The following RORA variants were observed in gnomAD, a reference collection of about 807,000 sequenced individuals.
RORA encodes the protein nuclear receptor ROR-alpha.
RORA carries 7 observed loss-of-function variants against 69.5 expected under a neutral mutation model. The observed-to-expected ratio is 0.10, with a 90% confidence interval of 0.06 to 0.19. The LOEUF (loss-of-function observed/expected upper bound fraction) is 0.19, where lower values mean the gene tolerates loss of function less well. Ranked by LOEUF, RORA falls within the 10% of genes least tolerant of loss-of-function variation. The pLI is 1.00. For missense variants in RORA, 457 were observed against 663.0 expected (o/e 0.69, Z 3.41); for synonymous variants, 261 against 240.8 (o/e 1.08, Z -0.78).
At chr15:60,821,273 C>T (rs1326123486) in intron 1 of RORA, among the ~76,000 whole-genome samples, 1 of 152,130 alleles carries the variant, frequency 6.6e-6, no homozygotes, top group East Asian at 1.9e-4. Context: ...TTCCGTCTCC[C>T]TGCTGTGTGC....
chr15:60,493,348 A>G lies in RORA; in HGVS notation c.*4107T>C, dbSNP rs1056348166. On this transcript the variant is annotated 3_prime_UTR_variant, in exon 11 of 11. Transcript: ENST00000335670. ...ACCCCAAAAAACTGTACAAATATGT[A>G]TTTTTCCCTGAGGGATCAAGGTACA... 6.6e-6 allele frequency: 1 copy of G among 152,136 alleles called. No homozygotes were observed. Among genetic ancestry groups the G allele is most frequent in the African/African-American group, 2.4e-5 (1 of 41,440 alleles). 9.4% of individuals were successfully genotyped at this position (152,136 alleles called of 1,614,324 possible). A position where few individuals can be genotyped will look rare whatever the true frequency, so the allele number is the denominator to read the frequency against.
At chr15:60,553,497 A>G (rs2067277750) in intron 2 of RORA, among the ~76,000 whole-genome samples, 1 of 152,236 alleles carries the variant, frequency 6.6e-6, no homozygotes, top group South Asian at 2.1e-4. Context: ...GAATGGGCTA[A>G]GAGTCAGATG....
At chr15:60,729,931 T>C (rs952865865) in intron 1 of RORA, among the ~76,000 whole-genome samples, 3 of 152,246 alleles carry the variant, frequency 2.0e-5, no homozygotes, top group African/African-American at 7.2e-5. Flanking sequence ...TTCCTTCTTT[T>C]CTGGTTCCAT....
chr15:60,542,608 A>G (rs1595942615), intron 2 of RORA, among the ~76,000 whole-genome samples: 1 of 131,802 alleles, frequency 7.6e-6, no homozygotes, highest in Non-Finnish European at 1.6e-5. Context: ...ACGCATGCAC[A>G]CCTCACACAC....
chr15:60,657,102 C>A (rs1024275209), intron 2 of RORA, among the ~76,000 whole-genome samples: 10 of 152,108 alleles, frequency 6.6e-5, no homozygotes, highest in African/African-American at 2.4e-4. Context: ...TATTAGAAAC[C>A]ACAAATCTCC....
intron 2 of RORA, among the ~76,000 whole-genome samples, chr15:60,602,739 C>T (rs965024310): frequency 1.3e-5 from 2 of 152,148 alleles, no homozygotes; most frequent in Non-Finnish European, 2.9e-5. Context: ...AGAAGAATTG[C>T]ACTTTGATTC....
At chr15:61,113,901 T>C (rs782927) in intron 1 of RORA, among the ~76,000 whole-genome samples, 9,585 of 152,268 alleles carry the variant, frequency 0.063, 325 homozygotes, top group Middle Eastern at 0.13. Context: ...GAGTTAACCA[T>C]GACAGCCACG....
chr15:60,697,860 C>T (rs2070927978), intron 1 of RORA, among the ~76,000 whole-genome samples: 1 of 152,182 alleles, frequency 6.6e-6, no homozygotes, highest in African/African-American at 2.4e-5. Context: ...TTCACGGCTC[C>T]TCTGGGAGAG....
chr15:60,985,987 G>A (rs1292162600), intron 1 of RORA, among the ~76,000 whole-genome samples: 5 of 152,188 alleles, frequency 3.3e-5, no homozygotes, highest in Admixed American at 2.6e-4. Context: ...CAACGGATCC[G>A]AATCAAGTTA....
At chr15:60,827,848 A>G (rs2072986876) in intron 1 of RORA, among the ~76,000 whole-genome samples, 1 of 152,236 alleles carries the variant, frequency 6.6e-6, no homozygotes, top group Non-Finnish European at 1.5e-5. Flanking sequence ...AGTCAGGACC[A>G]TTACAGCTGT....
chr15:60,579,850 A>G (rs1285770374), intron 2 of RORA, among the ~76,000 whole-genome samples: 2 of 152,104 alleles, frequency 1.3e-5, no homozygotes, highest in Non-Finnish European at 2.9e-5. Context: ...TTGCTTTCTA[A>G]CTTCTGTTTA....
chr15:60,620,568 A>G (rs1169937987), intron 2 of RORA, among the ~76,000 whole-genome samples: 3 of 152,206 alleles, frequency 2.0e-5, no homozygotes, highest in Non-Finnish European at 4.4e-5. Flanking sequence ...GAACTCAATT[A>G]CTGTCTGTTT....
chr15:60,514,580 C>T, intron 4 of RORA, 36 bp downstream of exon 4: 2 of 1,608,228 alleles, frequency 1.2e-6, no homozygotes, highest in Non-Finnish European at 1.7e-6. Flanking sequence ...TTTCACAACC[C>T]CGTGCAACTG....
intron 1 of RORA, among the ~76,000 whole-genome samples, chr15:60,986,354 G>T (rs1003412776): frequency 1.6e-4 from 25 of 152,164 alleles, no homozygotes; most frequent in Non-Finnish European, 2.5e-4. Flanking sequence ...AGCTGGTCTT[G>T]ATCTCCTGAT....
At chr15:60,572,214 G>A (rs1349741037) in intron 2 of RORA, among the ~76,000 whole-genome samples, 1 of 152,222 alleles carries the variant, frequency 6.6e-6, no homozygotes, top group Admixed American at 6.5e-5. Context: ...TGGCTTTAAT[G>A]TGGATTCATC....
At chr15:61,179,985 C>A (rs57823040) in intron 1 of RORA, among the ~76,000 whole-genome samples, 10 of 143,204 alleles carry the variant, frequency 7.0e-5, no homozygotes, top group African/African-American at 7.7e-5. Context: ...AAAAAAAAAA[C>A]AAAAAAAAAA....
At chr15:60,945,523 T>C (rs1892844704) in intron 1 of RORA, among the ~76,000 whole-genome samples, 1 of 152,116 alleles carries the variant, frequency 6.6e-6, no homozygotes, top group Non-Finnish European at 1.5e-5. Context: ...ACAGTGCTTG[T>C]TAGAAAAAAT....
At chr15:60,740,233 G>A (rs1257812940) in intron 1 of RORA, among the ~76,000 whole-genome samples, 3 of 151,930 alleles carry the variant, frequency 2.0e-5, no homozygotes, top group Non-Finnish European at 2.9e-5. Flanking sequence ...CCCCAACAAC[G>A]TGTGGGCTAC....
intron 1 of RORA, among the ~76,000 whole-genome samples, chr15:61,011,481 G>C (rs919257537): frequency 4.6e-5 from 7 of 152,078 alleles, no homozygotes; most frequent in African/African-American, 1.7e-4. Context: ...TGTGAGCATA[G>C]TTGGCTTGAA....
Sources: gnomAD v4.1 joint callset for allele counts (sites outside exome capture counted in the v4.1 genomes callset) on GRCh38, gnomAD v4.1.1 for gene constraint, MANE v1.5 for transcripts, NCBI Gene and HGNC (gene_info 2026-07-23, HGNC 2026-07-21) for gene names.